The following NRXN1 variants were observed in gnomAD, a reference collection of about 807,000 sequenced individuals.
NRXN1 encodes the protein neurexin-1.
In NRXN1, 39 loss-of-function variants were observed where a neutral mutation model predicts 150.9. The ratio of observed to expected loss-of-function variants is 0.26; its 90% confidence interval spans 0.20 to 0.34. NRXN1 has a LOEUF of 0.34. Among genes scored for constraint, NRXN1 ranks in the 10% least tolerant of loss-of-function variants. The probability of loss-of-function intolerance (pLI) is 1.00; values close to 1 mark genes in which losing one functional copy is unlikely to be tolerated. For missense variants in NRXN1, 1,815 were observed against 1,949.9 expected (o/e 0.93, Z 1.30); for synonymous variants, 924 against 757.0 (o/e 1.22, Z -3.62).
chr2:50,890,786 T>C (rs895356410), intron 5 of NRXN1, among the ~76,000 whole-genome samples: 2 of 151,962 alleles, frequency 1.3e-5, no homozygotes, highest in East Asian at 1.9e-4. Context: ...TCATAATTAC[T>C]TCATTCTGAA....
intron 22 of NRXN1, 111 bp from the exon 23 acceptor site, chr2:49,922,362 A>T: frequency 9.0e-7 from 1 of 1,114,548 alleles, no homozygotes; most frequent in Non-Finnish European, 1.3e-6. Context: ...TGCTTTAGGA[A>T]AGGTATGCTA....
rs11296551 is a variant in NRXN1, at chr2:50,169,711, CAA to C, written c.3546+67076_3546+67077del. ...TGGGCAACAGAGCAAGCTTCCATCT[CAA>C]AAAAAAAAAAAAAAAGAAAGAAAGA... is the stretch of plus-strand genomic sequence containing the variant. On this transcript the variant is annotated intron_variant, in intron 18 of 22. Coordinates refer to ENST00000401669, the MANE Select transcript of NRXN1 (RefSeq NM_001330078.2). 4.2e-3 allele frequency among the ~76,000 whole-genome samples: 440 copies of C among 103,760 alleles called. 2 individuals carry two copies. Among genetic ancestry groups the C allele is most frequent in the Middle Eastern group, 0.019 (4 of 212 alleles). 68.1% of individuals were successfully genotyped at this position (103,760 alleles called of 152,430 possible).
rs1005910830 is a variant in NRXN1 at position 50,594,958 on chromosome 2, TGA to T, written c.1320+25062_1320+25063del. 8.1e-4 allele frequency among the ~76,000 whole-genome samples: 122 copies of T among 151,134 alleles called. 1 individual carries two copies. Among genetic ancestry groups the T allele is most frequent in the African/African-American group, 2.8e-3 (114 of 41,092 alleles). On this transcript the variant is annotated intron_variant, in intron 8 of 22. Coordinates refer to ENST00000401669, the MANE Select transcript of NRXN1 (RefSeq NM_001330078.2). Reference sequence around the variant, plus strand: ...TTTGTCCACGGTACCCTCTGAGCACTGAGAGGAATTCTAAAATGAATAAGAGT... The same window carrying T: ...TTTGTCCACGGTACCCTCTGAGCACTGAGGAATTCTAAAATGAATAAGAGT...
chr2:50,908,370 C>T lies in NRXN1; in HGVS notation c.832+13499G>A, dbSNP rs1167886888. Among the ~76,000 whole-genome samples, 4 of 151,144 alleles carry T rather than the reference C, an allele frequency of 2.6e-5. No homozygotes were observed. In the East Asian group the frequency reaches 7.8e-4, roughly 29 times the overall value. ...ATACACACATTCACACATACACACA[C>T]ACACACACACACACAACCACACCCC... is the stretch of plus-strand genomic sequence containing the variant. On this transcript the variant is annotated intron_variant, in intron 5 of 22. Transcript: ENST00000401669.
At chr2:50,417,602 T>A (rs933333521) in intron 17 of NRXN1, among the ~76,000 whole-genome samples, 1 of 151,724 alleles carries the variant, frequency 6.6e-6, no homozygotes, top group African/African-American at 2.4e-5. Context: ...TCCTACAGAG[T>A]CTGATGGCTT....
At chr2:50,778,985 A>C (rs1229362885) in intron 5 of NRXN1, among the ~76,000 whole-genome samples, 2 of 152,166 alleles carry the variant, frequency 1.3e-5, no homozygotes, top group African/African-American at 2.4e-5. Context: ...ATGCCTTGCC[A>C]AGACTATGTC....
intron 2 of NRXN1, among the ~76,000 whole-genome samples, chr2:50,991,998 C>T (rs1357232650): frequency 1.3e-5 from 2 of 151,966 alleles, no homozygotes; most frequent in African/African-American, 4.8e-5. Context: ...ACATATGAAT[C>T]TTTTCGTCTA....
At chr2:50,077,498 G>C (rs1218886685) in intron 19 of NRXN1, among the ~76,000 whole-genome samples, 1 of 151,926 alleles carries the variant, frequency 6.6e-6, no homozygotes, top group East Asian at 1.9e-4. Flanking sequence ...CCTTTTGCTT[G>C]TTTCGCCTCT....
At chr2:50,576,823 A>G (rs1337269583) in intron 8 of NRXN1, among the ~76,000 whole-genome samples, 1 of 151,892 alleles carries the variant, frequency 6.6e-6, no homozygotes, top group Non-Finnish European at 1.5e-5. Flanking sequence ...TAACTTTCTC[A>G]TTCTCATCCC....
At chr2:49,932,653 TA>T (rs1400864481) in intron 22 of NRXN1, among the ~76,000 whole-genome samples, 3 of 152,198 alleles carry the variant, frequency 2.0e-5, no homozygotes, top group African/African-American at 7.2e-5. Context: ...CATTCTTCCA[TA>T]TATTTTAACA....
intron 5 of NRXN1, among the ~76,000 whole-genome samples, chr2:50,789,277 C>G (rs1705598799): frequency 6.6e-6 from 1 of 152,128 alleles, no homozygotes; most frequent in African/African-American, 2.4e-5. Flanking sequence ...ATACAACATG[C>G]CTGCAATGCT....
intron 17 of NRXN1, among the ~76,000 whole-genome samples, chr2:50,410,708 GA>G (rs1217821297): frequency 1.3e-5 from 2 of 152,184 alleles, no homozygotes; most frequent in African/African-American, 4.8e-5. Context: ...ATAATGATGA[GA>G]AAAGCATTCT....
intron 21 of NRXN1, among the ~76,000 whole-genome samples, chr2:49,955,723 A>T (rs936431962): frequency 3.3e-5 from 5 of 152,116 alleles, no homozygotes; most frequent in African/African-American, 1.2e-4. Context: ...AAGAAAAAAA[A>T]ACTATTCCTT....
intron 21 of NRXN1, among the ~76,000 whole-genome samples, chr2:49,989,865 TAATGAAAAAATGACATAGC>T (rs1389743770): frequency 5.9e-5 from 9 of 152,138 alleles, no homozygotes; most frequent in Non-Finnish European, 1.2e-4. Flanking sequence ...ATCTGTTTTT[TAATGAAAAAATGACATAGC>T]ATTATTTTCA....
chr2:50,438,144 G>A (rs1217279604), intron 17 of NRXN1, among the ~76,000 whole-genome samples: 1 of 152,114 alleles, frequency 6.6e-6, no homozygotes, highest in Non-Finnish European at 1.5e-5. Flanking sequence ...CCAGGTCATG[G>A]CCAGGAGTTA....
chr2:51,021,836 G>A (rs1669663327), intron 2 of NRXN1, among the ~76,000 whole-genome samples: 1 of 151,920 alleles, frequency 6.6e-6, no homozygotes, highest in Non-Finnish European at 1.5e-5. Context: ...AAAAATCACT[G>A]CTTAAATATA....
chr2:50,673,944 G>A (rs1399108121), intron 5 of NRXN1, among the ~76,000 whole-genome samples: 3 of 152,052 alleles, frequency 2.0e-5, no homozygotes, highest in Non-Finnish European at 4.4e-5. Context: ...TCACCCGCCT[G>A]TCAGGGGGTG....
chr2:50,984,052 C>A (rs1194954987), intron 2 of NRXN1, among the ~76,000 whole-genome samples: 1 of 151,648 alleles, frequency 6.6e-6, no homozygotes, highest in Non-Finnish European at 1.5e-5. Context: ...ACTGCAACCT[C>A]CACCTCCTGG....
intron 5 of NRXN1, among the ~76,000 whole-genome samples, chr2:50,626,669 C>T (rs1482419449): frequency 6.6e-6 from 1 of 151,800 alleles, no homozygotes; most frequent in Non-Finnish European, 1.5e-5. Flanking sequence ...GAAAACTTGT[C>T]AGACAATAAA....
Sources: allele counts gnomAD v4.1 joint callset (sites outside exome capture counted in the v4.1 genomes callset), GRCh38; gene constraint gnomAD v4.1.1; transcripts MANE v1.5; gene names NCBI Gene and HGNC (gene_info 2026-07-23, HGNC 2026-07-21).